Variants in TMEM273 observed in about 807,000 individuals in gnomAD.
The protein encoded by TMEM273 is transmembrane protein 273, also known as chromosome 10 open reading frame 128.
TMEM273 carries 19 observed loss-of-function variants against 17.9 expected under a neutral mutation model. The observed-to-expected ratio is 1.06, with a 90% CI of 0.74 to 1.55. The LOEUF (loss-of-function observed/expected upper bound fraction) is 1.55, where lower values mean the gene tolerates loss of function less well. TMEM273 is among the 40% of genes most tolerant of loss of function. The pLI is 0.00. For missense variants in TMEM273, 194 were observed against 155.6 expected (o/e 1.25, Z -1.31); for synonymous variants, 66 against 62.0 (o/e 1.07, Z -0.31).
At chr10:49,162,151 G>A (rs1845882624) in intron 5 of TMEM273, among the ~76,000 whole-genome samples, 1 of 152,166 alleles carries the variant, frequency 6.6e-6, no homozygotes, top group Non-Finnish European at 1.5e-5. Flanking sequence ...GCTCCTCTTA[G>A]ATGATCATGC....
intron 1 of TMEM273, among the ~76,000 whole-genome samples, chr10:49,169,001 CG>C (rs139204592): frequency 0.15 from 22,716 of 152,144 alleles, 2,050 homozygotes; most frequent in Non-Finnish European, 0.21. Flanking sequence ...AAATGAGGAA[CG>C]GGAGGCATTG....
Position 49,176,336 on chromosome 10 carries a change from C to T in TMEM273, c.44-8374G>A, listed in dbSNP as rs186802163. Among the ~76,000 whole-genome samples, 11 of 152,334 alleles carry T rather than the reference C, an allele frequency of 7.2e-5. No homozygotes were observed. The East Asian group carries it at 1.9e-3, about 27-fold the overall frequency. On this transcript the variant is annotated intron_variant, in intron 1 of 6. Transcript: ENST00000374153. The stretch of plus-strand genomic sequence containing the variant: ...GGCGCTCCCCAGCAAGGGCACAAGC[C>T]TCTGCTGTTTCGAGAAATGGCCAAA...
At chr10:49,161,284 A>C (rs562164356) in intron 6 of TMEM273, 1 of 383,822 alleles carries the variant, frequency 2.6e-6, no homozygotes, top group South Asian at 5.9e-5. Flanking sequence ...GCTAATTATT[A>C]GATTGGACAC....
chr10:49,160,485 C>T (rs367868228), intron 6 of TMEM273: 2 of 151,896 alleles, frequency 1.3e-5, no homozygotes, highest in African/African-American at 4.8e-5. Context: ...AGCAGAGGGG[C>T]TGTTCAATAC....
Position 49,154,856 on chromosome 10 carries a change from T to C in TMEM273, c.*1036A>G, listed in dbSNP as rs563816053. The stretch of plus-strand genomic sequence containing the variant: ...TGAACAGCATCGTTATCAAGTTGGG[T>C]AAGAGACGCCCTGGGAGTCCAGGCA... On this transcript the variant is annotated 3_prime_UTR_variant, in exon 7 of 7. Coordinates refer to ENST00000374153, the MANE Select transcript of TMEM273 (RefSeq NM_001288740.3). 1 of 152,302 alleles carries C rather than the reference T, an allele frequency of 6.6e-6. No homozygotes were observed. The highest frequency in any genetic ancestry group is 2.1e-4 in the South Asian group (1 of 4,818). 9.4% of individuals were successfully genotyped at this position (152,302 alleles called of 1,614,324 possible).
chr10:49,161,098 C>T (rs115561258), intron 6 of TMEM273: 2,300 of 157,988 alleles, frequency 0.015, 57 homozygotes, highest in African/African-American at 0.053. Context: ...CATCCATAGG[C>T]TCATTCAATC....
At chr10:49,172,910 G>A (rs553415664) in intron 1 of TMEM273, among the ~76,000 whole-genome samples, 5 of 152,214 alleles carry the variant, frequency 3.3e-5, no homozygotes, top group Non-Finnish European at 7.3e-5. Flanking sequence ...GGCTCCTGGG[G>A]AATGTGTGAA....
chr10:49,167,091 A>G, intron 2 of TMEM273, 82 bp from the exon 3 acceptor site: 5 of 1,560,442 alleles, frequency 3.2e-6, no homozygotes, highest in Non-Finnish European at 4.3e-6. Context: ...CAAAGCATGC[A>G]TGTGGCCCTT....
chr10:49,186,038 A>AGAAGAAGAG (rs1564651791), intron 1 of TMEM273, among the ~76,000 whole-genome samples: 10 of 116,090 alleles, frequency 8.6e-5, no homozygotes, highest in African/African-American at 1.2e-4. Flanking sequence ...AAGAAGAAAA[A>AGAAGAAGAG]GAAGAAGAAG....
At chr10:49,159,919 C>T (rs920133868) in intron 6 of TMEM273, among the ~76,000 whole-genome samples, 1 of 151,850 alleles carries the variant, frequency 6.6e-6, no homozygotes, top group East Asian at 1.9e-4. Context: ...GCCAAATTTG[C>T]AACAATTTGG....
chr10:49,158,554 G>A (rs1479364127), intron 6 of TMEM273, among the ~76,000 whole-genome samples: 16 of 152,328 alleles, frequency 1.1e-4, no homozygotes, highest in Non-Finnish European at 1.5e-5. Context: ...CACAACGTGT[G>A]TGCGGGTGGA....
At chr10:49,178,463 G>A (rs1034432918) in intron 1 of TMEM273, 6 of 362,726 alleles carry the variant, frequency 1.7e-5, no homozygotes, top group African/African-American at 6.4e-5. Context: ...ACCCTGGAGG[G>A]GAACAGCATC....
chr10:49,165,671 G>T, intron 4 of TMEM273, 95 bp downstream of exon 4: 2 of 1,536,136 alleles, frequency 1.3e-6, no homozygotes, highest in Non-Finnish European at 9.0e-7. Context: ...ATGCCAGAGT[G>T]CAGAGAAGGC....
chr10:49,183,942 C>CA (rs11326591), intron 1 of TMEM273, among the ~76,000 whole-genome samples: 290 of 149,018 alleles, frequency 1.9e-3, no homozygotes, highest in African/African-American at 7.0e-3. Flanking sequence ...TCAGCTATAG[C>CA]AAAAAAAAAA....
chr10:49,187,788 C>G (rs1847816936), intron 1 of TMEM273, among the ~76,000 whole-genome samples: 1 of 152,216 alleles, frequency 6.6e-6, no homozygotes, highest in African/African-American at 2.4e-5. Context: ...AAAGATACCT[C>G]TGAGTAGCAA....
At chr10:49,185,499 T>C (rs1847608221) in intron 1 of TMEM273, among the ~76,000 whole-genome samples, 1 of 152,132 alleles carries the variant, frequency 6.6e-6, no homozygotes, top group Non-Finnish European at 1.5e-5. Context: ...CACTAAACAG[T>C]GCTCTAGGCC....
chr10:49,186,489 G>T (rs1308766305), intron 1 of TMEM273, among the ~76,000 whole-genome samples: 7 of 152,156 alleles, frequency 4.6e-5, no homozygotes, highest in Admixed American at 4.6e-4. Flanking sequence ...TTGCCAAATT[G>T]CCCTCTGGAG....
chr10:49,185,891 T>C (rs1277523534), intron 1 of TMEM273, among the ~76,000 whole-genome samples: 1 of 151,454 alleles, frequency 6.6e-6, no homozygotes, highest in African/African-American at 2.4e-5. Flanking sequence ...GGCAGGTGAA[T>C]TGCTTGAACC....
chr10:49,169,644 C>T (rs531135389), intron 1 of TMEM273, among the ~76,000 whole-genome samples: 242 of 152,342 alleles, frequency 1.6e-3, no homozygotes, highest in African/African-American at 4.9e-3. Flanking sequence ...CAGACACCAC[C>T]GCACACAATA....
Sources: gnomAD v4.1 joint callset for allele counts (sites outside exome capture counted in the v4.1 genomes callset) on GRCh38, gnomAD v4.1.1 for gene constraint, MANE v1.5 for transcripts, NCBI Gene and HGNC (gene_info 2026-07-23, HGNC 2026-07-21) for gene names.